The following KLHL40 variants were observed in gnomAD, a reference collection of about 807,000 sequenced individuals.
KLHL40 encodes kelch-like protein 40.
Under a neutral mutation model 49.7 loss-of-function variants are expected in KLHL40, and 44 were observed. The ratio of observed to expected loss-of-function variants is 0.89; its 90% CI spans 0.70 to 1.14. The LOEUF (loss-of-function observed/expected upper bound fraction) is 1.14, where lower values mean the gene tolerates loss of function less well. KLHL40 is among the 50% of genes most tolerant of loss of function. The probability of loss-of-function intolerance (pLI) is 0.00; values close to 1 mark genes in which losing one functional copy is unlikely to be tolerated. For missense variants in KLHL40, 892 were observed against 850.3 expected (o/e 1.05, Z -0.61); for synonymous variants, 409 against 365.2 (o/e 1.12, Z -1.37).
Position 42,688,283 on chromosome 3 carries a change from G to T in KLHL40, c.1294G>T (p.Val432Phe), listed in dbSNP as rs759601864. Residue 432 changes from valine (V) to phenylalanine (F), a missense_variant, in exon 2 of 6, where the codon GTC becomes TTC. Val to Phe is a conservative substitution (Grantham distance 50). Transcript: ENST00000287777. The surrounding 1 kb of genome is among the most constrained non-coding windows in gnomAD (Gnocchi z 4.2). ...IKDGERCLDS[V>F]MCYDRLSFKW... is the part of the protein sequence containing the mutation. Reference sequence around the variant, plus strand: ...GGACGGCGAGCGCTGCCTGGACTCGGTCATGTGCTACGACAGGCTGTGAGC... The same window carrying T: ...GGACGGCGAGCGCTGCCTGGACTCGTTCATGTGCTACGACAGGCTGTGAGC... 2 of 1,613,976 alleles carry T rather than the reference G, an allele frequency of 1.2e-6. No individual in the cohort carries two copies. The highest frequency in any genetic ancestry group is 1.7e-6 in the Non-Finnish European group (2 of 1,180,014).
chr3:42,688,586 C>A lies in KLHL40; in HGVS notation c.1314-24C>A, dbSNP rs769695559. 1 of 1,579,654 alleles carries A rather than the reference C, an allele frequency of 6.3e-7. No homozygotes were observed. The highest frequency in any genetic ancestry group is 8.7e-7 in the Non-Finnish European group (1 of 1,149,938). Reference sequence around the variant, plus strand: ...CCGAGCCTGGATGGGTGCCCTCCCCCACCCCCACTCCCGTCTCCTCCAGGT... The same window carrying A: ...CCGAGCCTGGATGGGTGCCCTCCCCAACCCCCACTCCCGTCTCCTCCAGGT... On this transcript the variant is annotated intron_variant, in intron 2 of 5. Coordinates refer to ENST00000287777, the MANE Select transcript of KLHL40 (RefSeq NM_152393.4). The surrounding 1 kb of genome is among the most constrained non-coding windows in gnomAD (Gnocchi z 4.2).
intron 5 of KLHL40, 52 bp downstream of exon 5, chr3:42,691,057 CCATAG>C: frequency 6.5e-7 from 1 of 1,536,086 alleles, no homozygotes; most frequent in Non-Finnish European, 8.8e-7. Flanking sequence ...GGCTGACACC[CCATAG>C]CACCATGGTG....
rs771551921 is a variant in KLHL40 at position 42,686,141 on chromosome 3, G to A, written c.523G>A (p.Asp175Asn). The change falls in exon 1 of 6, where the codon GAC (aspartate) becomes AAC (asparagine). Residue 175 changes from aspartate (D) to asparagine (N), a missense_variant. Physicochemically the swap from Asp to Asn is conservative, Grantham distance 23. Transcript: ENST00000287777. ...RDADFLGLSA[D>N]ELIAIISSDG... ...CGCTGACTTCCTCGGACTCTCGGCCGACGAGCTCATCGCCATCATCTCCAG... is the reference window on the plus strand; with the variant it reads ...CGCTGACTTCCTCGGACTCTCGGCCAACGAGCTCATCGCCATCATCTCCAG... The A allele has an allele frequency of 1.1e-5, 18 of 1,597,154 alleles. No homozygotes were observed. In the South Asian group the frequency reaches 1.4e-4, roughly 13 times the overall value.
Position 42,688,145 on chromosome 3 carries a change from G to A in KLHL40, c.1156G>A (p.Asp386Asn). 1 of 1,613,976 alleles carries A rather than the reference G, an allele frequency of 6.2e-7. No individual in the cohort carries two copies. The highest frequency in any genetic ancestry group is 8.5e-7 in the Non-Finnish European group (1 of 1,180,002). ...TGACTGGACACCTGGCCTGCAGTTT[G>A]ACCATCTGGACTCAGAGTGGCTGGG... ...DPMSAYFLQF[D>N]HLDSEWLGMP... Residue 386 changes from aspartate (D) to asparagine (N), a missense_variant, in exon 2 of 6, where the codon GAC becomes AAC. Transcript: ENST00000287777. This position sits in a 1 kb window ranked among gnomAD's most constrained non-coding sequence, Gnocchi z 4.2.
rs746373391 is a variant in KLHL40, at chr3:42,686,140, C to T, written c.522C>T (p.Ala174=). 2.5e-6 allele frequency: 4 copies of T among 1,597,062 alleles called. No individual in the cohort carries two copies. Among genetic ancestry groups the T allele is most frequent in the Non-Finnish European group, 3.4e-6 (4 of 1,177,266 alleles). ...ACGCTGACTTCCTCGGACTCTCGGC[C>T]GACGAGCTCATCGCCATCATCTCCA... ...ARDADFLGLS[A]DELIAIISSD... is the part of the protein sequence containing the mutation. Residue 174 remains alanine (A), a synonymous_variant, in exon 1 of 6, where the codon GCC becomes GCT. Coordinates refer to ENST00000287777, the MANE Select transcript of KLHL40 (RefSeq NM_152393.4).
rs370340355 is a variant in KLHL40, at chr3:42,685,703, C to G, written c.85C>G (p.His29Asp). The change falls in exon 1 of 6, where the codon CAT (histidine) becomes GAT (aspartate). Residue 29 changes from histidine (H) to aspartate (D), a missense_variant. Transcript: ENST00000287777. Reference sequence around the variant, plus strand: ...AGACGGGCTCAAAGACATGCTGGACCATGGCAAGTTCCTCGACTGTGTGGT... The same window carrying G: ...AGACGGGCTCAAAGACATGCTGGACGATGGCAAGTTCCTCGACTGTGTGGT... ...LQDGLKDMLD[H>D]GKFLDCVVRA... 6.2e-7 allele frequency: 1 copy of G among 1,613,126 alleles called. No homozygotes were observed. The highest frequency in any genetic ancestry group is 1.3e-5 in the African/African-American group (1 of 74,944).
intron 4 of KLHL40, among the ~76,000 whole-genome samples, chr3:42,690,273 G>C (rs1281888427): frequency 6.6e-6 from 1 of 152,220 alleles, no homozygotes; most frequent in African/African-American, 2.4e-5. Flanking sequence ...GGCCACGAAG[G>C]TGAGGCCGAA....
At chr3:42,691,856 T>C (rs1233862211) in intron 5 of KLHL40, 26 bp from the exon 6 acceptor site, 1 of 1,470,180 alleles carries the variant, frequency 6.8e-7, no homozygotes, top group Admixed American at 1.7e-5. Flanking sequence ...CTCTCCATCC[T>C]TGTCCCCACT....
At chr3:42,691,229 T>C (rs1697360453) in intron 5 of KLHL40, among the ~76,000 whole-genome samples, 1 of 152,140 alleles carries the variant, frequency 6.6e-6, no homozygotes, top group Non-Finnish European at 1.5e-5. Flanking sequence ...TGCCCCACTG[T>C]GGAGCAGCAA....
chr3:42,688,375 C>A lies in KLHL40; in HGVS notation c.1313+73C>A. On this transcript the variant is annotated intron_variant, in intron 2 of 5. Transcript: ENST00000287777. This position sits in a 1 kb window ranked among gnomAD's most constrained non-coding sequence, Gnocchi z 4.2. ...ATGGAGGCCGCAGCTGGTCTAGGGC[C>A]TGGGGTGGGATTTGGAGCTAGAGCC... is the stretch of plus-strand genomic sequence containing the variant. The A allele has an allele frequency of 7.3e-7, 1 of 1,368,960 alleles. No individual in the cohort carries two copies. The highest frequency in any genetic ancestry group is 9.9e-7 in the Non-Finnish European group (1 of 1,015,150). The allele number at this position is 1,368,960 out of a possible 1,614,324, so 84.8% of individuals were successfully genotyped here.
chr3:42,690,609 A>G (rs537821109), intron 4 of KLHL40, among the ~76,000 whole-genome samples: 183 of 151,954 alleles, frequency 1.2e-3, no homozygotes, highest in African/African-American at 4.2e-3. Flanking sequence ...CAGTGGGGAG[A>G]TCCATGGTGG....
chr3:42,686,774 CCT>C lies in KLHL40; in HGVS notation c.1152+5_1152+6del, dbSNP rs751754501. On this transcript the variant is annotated splice_donor_5th_base_variant and intron_variant, in intron 1 of 5. Transcript: ENST00000287777. Reference sequence around the variant, plus strand: ...CATGAGCGCATACTTCCTGCAGGTGCCTGACCAGCCTTGGGAGCCGCCAGCTA... The same window carrying C: ...CATGAGCGCATACTTCCTGCAGGTGCGACCAGCCTTGGGAGCCGCCAGCTA... 3.1e-6 allele frequency: 5 copies of C among 1,600,440 alleles called. No individual in the cohort carries two copies. In the South Asian group the frequency reaches 5.6e-5, roughly 18 times the overall value.
At chr3:42,687,311 G>A (rs1481867373) in intron 1 of KLHL40, among the ~76,000 whole-genome samples, 16 of 152,220 alleles carry the variant, frequency 1.1e-4, no homozygotes, top group Admixed American at 1.0e-3. Flanking sequence ...AGCCTTGCCA[G>A]TGGGGTGGGA....
rs1381168285 is a variant in KLHL40, at chr3:42,686,458, C to A, written c.840C>A (p.Ala280=). The change falls in exon 1 of 6, where the codon GCC becomes GCA. Residue 280 remains alanine (A), a synonymous_variant. Transcript: ENST00000287777. ...KKKKGKDGAG[A]KEADKGTSKA... ...AGAAGGGGAAGGATGGAGCCGGGGCCAAGGAGGCTGATAAGGGCACAAGCA... is the reference window on the plus strand; with the variant it reads ...AGAAGGGGAAGGATGGAGCCGGGGCAAAGGAGGCTGATAAGGGCACAAGCA... The A allele has an allele frequency of 1.2e-6, 2 of 1,613,976 alleles. No homozygotes were observed. Among genetic ancestry groups the A allele is most frequent in the Non-Finnish European group, 1.7e-6 (2 of 1,179,984 alleles).
rs1697267800 is a variant in KLHL40 at position 42,686,099 on chromosome 3, A to G, written c.481A>G (p.Thr161Ala). The change falls in exon 1 of 6, where the codon ACG (threonine) becomes GCG (alanine). Residue 161 changes from threonine to alanine, a missense_variant. By Grantham distance (58) the Thr-to-Ala change is moderately conservative. Coordinates refer to ENST00000287777, the MANE Select transcript of KLHL40 (RefSeq NM_152393.4). Reference protein sequence around the residue: ...AARDFICAHFTLVARDADFLG... With the variant: ...AARDFICAHFALVARDADFLG... ...CCGCGACTTCATCTGCGCTCACTTCACGCTGGTGGCGCGCGACGCTGACTT... is the reference window on the plus strand; with the variant it reads ...CCGCGACTTCATCTGCGCTCACTTCGCGCTGGTGGCGCGCGACGCTGACTT... 6.2e-7 allele frequency: 1 copy of G among 1,601,000 alleles called. No homozygotes were observed. Among genetic ancestry groups the G allele is most frequent in the South Asian group, 1.1e-5 (1 of 91,034 alleles).
intron 4 of KLHL40, among the ~76,000 whole-genome samples, chr3:42,689,689 T>A (rs1428673490): frequency 6.6e-6 from 1 of 151,454 alleles, no homozygotes; most frequent in Admixed American, 6.6e-5. Flanking sequence ...AGGTCAGGGG[T>A]GATAAAGGCC....
chr3:42,690,601 G>A (rs769486360), intron 4 of KLHL40, among the ~76,000 whole-genome samples: 2 of 152,250 alleles, frequency 1.3e-5, no homozygotes, highest in African/African-American at 2.4e-5. Context: ...AGTAGGGGCA[G>A]TGGGGAGATC....
chr3:42,686,660 C>T lies in KLHL40; in HGVS notation c.1042C>T (p.Pro348Ser). The T allele has an allele frequency of 6.2e-7, 1 of 1,613,946 alleles. No individual in the cohort carries two copies. The change falls in exon 1 of 6, where the codon CCC becomes TCC. Residue 348 changes from proline (P) to serine (S), a missense_variant. Coordinates refer to ENST00000287777, the MANE Select transcript of KLHL40 (RefSeq NM_152393.4). ...CYCASLSNQVPKNHVSLVTKE... is the reference protein window; with the variant it reads ...CYCASLSNQVSKNHVSLVTKE... ...CTGTGCTTCCCTCTCCAACCAGGTC[C>T]CCAAGAACCACGTCAGCCTGGTTAC... is the stretch of plus-strand genomic sequence containing the variant.
rs528653919 is a variant in KLHL40, at chr3:42,692,129, G to A, written c.*136G>A. 1.2e-3 allele frequency: 794 copies of A among 637,972 alleles called. 5 individuals carry two copies. The highest frequency in any genetic ancestry group is 1.0e-3 in the East Asian group (38 of 36,430). The allele number at this position is 637,972 out of a possible 1,614,324, so 39.5% of individuals were successfully genotyped here. A position where few individuals can be genotyped will look rare whatever the true frequency, so the allele number is the denominator to read the frequency against. ...CCAGTTATGGTGCCTCAGGGGCTGC[G>A]TCAGCCAAGGAAAGGGAAGTGCTGC... On this transcript the variant is annotated 3_prime_UTR_variant, in exon 6 of 6. Coordinates refer to ENST00000287777, the MANE Select transcript of KLHL40 (RefSeq NM_152393.4).
Sources: allele counts gnomAD v4.1 joint callset (sites outside exome capture counted in the v4.1 genomes callset), GRCh38; gene constraint gnomAD v4.1.1; non-coding constraint Gnocchi (gnomAD v3.1); transcripts MANE v1.5; gene names NCBI Gene and HGNC (gene_info 2026-07-23, HGNC 2026-07-21).